NRXN3: variants seen among roughly 807,000 people sequenced by gnomAD.
NRXN3 encodes neurexin 3, also known as neurexin III.
A neutral mutation model predicts 137.6 loss-of-function variants in NRXN3; 32 were observed. That is an observed-to-expected ratio of 0.23 (90% CI 0.18 to 0.31). The LOEUF (loss-of-function observed/expected upper bound fraction) is 0.31, where lower values mean the gene tolerates loss of function less well. Among genes scored for constraint, NRXN3 ranks in the 10% least tolerant of loss-of-function variants. The pLI, the probability that NRXN3 is intolerant of heterozygous loss-of-function variation, is 1.00. For missense variants in NRXN3, 1,574 were observed against 2,062.5 expected, an observed-to-expected ratio of 0.76 and a Z score of 4.59; for synonymous variants, 798 against 784.5, an observed-to-expected ratio of 1.02 and a Z score of -0.29.
intron 15 of NRXN3, among the ~76,000 whole-genome samples, chr14:79,217,695 C>T (rs1431669688): frequency 6.6e-6 from 1 of 151,792 alleles, no homozygotes; most frequent in Non-Finnish European, 1.5e-5. Context: ...CAAATCAAAA[C>T]AAAACAAAAA....
At chr14:78,600,764 C>T (rs2097195632) in intron 4 of NRXN3, among the ~76,000 whole-genome samples, 1 of 152,214 alleles carries the variant, frequency 6.6e-6, no homozygotes, top group South Asian at 2.1e-4. Context: ...ACTTGTCCCA[C>T]AAGAACCTCA....
intron 11 of NRXN3, among the ~76,000 whole-genome samples, chr14:78,961,277 C>T (rs1280090737): frequency 1.3e-5 from 2 of 152,010 alleles, no homozygotes; most frequent in African/African-American, 4.8e-5. Flanking sequence ...TTTTGCTGAG[C>T]TCTTAGTTTT....
intron 10 of NRXN3, among the ~76,000 whole-genome samples, chr14:78,890,071 C>T (rs1022825892): frequency 3.3e-5 from 5 of 151,922 alleles, no homozygotes; most frequent in Non-Finnish European, 5.9e-5. Context: ...TTGCCTAAAG[C>T]CTTCAGAAGG....
chr14:78,817,430 A>G (rs2098937228), intron 10 of NRXN3, among the ~76,000 whole-genome samples: 1 of 152,186 alleles, frequency 6.6e-6, no homozygotes, highest in Non-Finnish European at 1.5e-5. Context: ...AGAGGAGGAG[A>G]AAAAGAACTT....
chr14:78,843,190 T>A (rs1596406520), intron 10 of NRXN3, among the ~76,000 whole-genome samples: 1 of 152,150 alleles, frequency 6.6e-6, no homozygotes, highest in Non-Finnish European at 1.5e-5. Context: ...ATTATAAAAG[T>A]ATTAATTTGG....
chr14:79,171,521 A>G (rs1022103024), intron 15 of NRXN3, among the ~76,000 whole-genome samples: 1 of 152,176 alleles, frequency 6.6e-6, no homozygotes, highest in African/African-American at 2.4e-5. Context: ...CAATTCTGTA[A>G]CTGATCCTTA....
intron 4 of NRXN3, among the ~76,000 whole-genome samples, chr14:78,586,298 T>C (rs559758396): frequency 1.3e-5 from 2 of 152,080 alleles, no homozygotes; most frequent in Admixed American, 1.3e-4. Flanking sequence ...ATAAGAGGCA[T>C]CCAGCAAAGG....
chr14:78,551,450 C>G (rs2096688222), intron 4 of NRXN3, among the ~76,000 whole-genome samples: 1 of 152,096 alleles, frequency 6.6e-6, no homozygotes, highest in African/African-American at 2.4e-5. Flanking sequence ...TTAGTGACTC[C>G]CAGGGAGGAT....
intron 14 of NRXN3, chr14:78,972,787 T>C (rs1334311406): frequency 6.6e-6 from 1 of 152,336 alleles, no homozygotes; most frequent in Non-Finnish European, 1.5e-5. Context: ...GTTATGCAGA[T>C]TGCGTTTTCA....
chr14:79,812,513 G>GA (rs36064892), intron 20 of NRXN3, among the ~76,000 whole-genome samples: 259 of 150,278 alleles, frequency 1.7e-3, no homozygotes, highest in Non-Finnish European at 2.7e-3. Context: ...GGATATGCAA[G>GA]AAAAAAAAAA....
chr14:78,394,076 C>T (rs1053364268), intron 4 of NRXN3, among the ~76,000 whole-genome samples: 1 of 151,780 alleles, frequency 6.6e-6, no homozygotes, highest in Non-Finnish European at 1.5e-5. Flanking sequence ...TCTTCCAGAG[C>T]CGTATGTATT....
chr14:78,889,435 T>C (rs1032866326), intron 10 of NRXN3, among the ~76,000 whole-genome samples: 2 of 151,996 alleles, frequency 1.3e-5, no homozygotes, highest in Non-Finnish European at 2.9e-5. Context: ...ACTTGATTGC[T>C]TTACTTCACC....
intron 10 of NRXN3, among the ~76,000 whole-genome samples, chr14:78,827,881 A>G (rs2098971463): frequency 6.6e-6 from 1 of 152,228 alleles, no homozygotes; most frequent in African/African-American, 2.4e-5. Context: ...GTACTTACAG[A>G]ACACTTTGTT....
intron 19 of NRXN3, among the ~76,000 whole-genome samples, chr14:79,790,198 A>C (rs570367811): frequency 5.1e-4 from 77 of 152,266 alleles, no homozygotes; most frequent in African/African-American, 1.8e-3. Context: ...AAGCAGTGCC[A>C]GCATCTGCTT....
chr14:78,783,204 A>G (rs1268264972), intron 8 of NRXN3, among the ~76,000 whole-genome samples: 1 of 152,230 alleles, frequency 6.6e-6, no homozygotes, highest in African/African-American at 2.4e-5. Flanking sequence ...GGAACAAGGC[A>G]TGGGAATATC....
intron 15 of NRXN3, among the ~76,000 whole-genome samples, chr14:79,101,316 C>G (rs1251971418): frequency 2.0e-5 from 3 of 152,188 alleles, no homozygotes; most frequent in African/African-American, 4.8e-5. Flanking sequence ...TGCTACTTCT[C>G]TTTATTTCTC....
At chr14:78,699,283 G>A (rs2152798132) in intron 6 of NRXN3, among the ~76,000 whole-genome samples, 1 of 149,762 alleles carries the variant, frequency 6.7e-6, no homozygotes, top group South Asian at 2.1e-4. Flanking sequence ...GCGAATAGTA[G>A]TTATCCAGGT....
chr14:78,856,684 G>A (rs146128712), intron 10 of NRXN3, among the ~76,000 whole-genome samples: 24 of 152,124 alleles, frequency 1.6e-4, no homozygotes, highest in Non-Finnish European at 2.9e-4. Flanking sequence ...GTGTCTTATG[G>A]ATAGGTAATA....
chr14:79,584,091 T>C (rs889580702), intron 16 of NRXN3, among the ~76,000 whole-genome samples: 1 of 119,012 alleles, frequency 8.4e-6, no homozygotes, highest in Admixed American at 7.3e-5. Context: ...TGGCTATTAC[T>C]AGGATAATTT....
Sources: allele counts gnomAD v4.1 joint callset (sites outside exome capture counted in the v4.1 genomes callset), GRCh38; gene constraint gnomAD v4.1.1; transcripts MANE v1.5; gene names NCBI Gene and HGNC (gene_info 2026-07-23, HGNC 2026-07-21).